The following GALNT16 variants were observed in gnomAD, a reference collection of about 807,000 sequenced individuals.
The protein encoded by GALNT16 is polypeptide N-acetylgalactosaminyltransferase 16.
In GALNT16, 40 loss-of-function variants were observed where a neutral mutation model predicts 76.1. The ratio of observed to expected loss-of-function variants is 0.53; its 90% CI spans 0.41 to 0.68. The LOEUF is 0.68. Among genes scored for constraint, GALNT16 ranks in the 30% least tolerant of loss-of-function variants. The pLI, the probability that GALNT16 is intolerant of heterozygous loss-of-function variation, is 0.00. For missense variants in GALNT16, 621 were observed against 731.9 expected, an observed-to-expected ratio of 0.85 and a Z score of 1.75; for synonymous variants, 276 against 285.2, an observed-to-expected ratio of 0.97 and a Z score of 0.32.
chr14:69,271,433 G>A (rs985710112), intron 1 of GALNT16, among the ~76,000 whole-genome samples: 1 of 152,216 alleles, frequency 6.6e-6, no homozygotes, highest in Non-Finnish European at 1.5e-5. Context: ...TGACAGGTCT[G>A]AGCGAGAGTG....
At chr14:69,299,384 C>G (rs1346682823) in intron 1 of GALNT16, among the ~76,000 whole-genome samples, 1 of 152,172 alleles carries the variant, frequency 6.6e-6, no homozygotes, top group African/African-American at 2.4e-5. Flanking sequence ...TTGCATGCAG[C>G]AAGTTTATCT....
chr14:69,369,096 A>G, the GALNT16 span, among the ~76,000 whole-genome samples: 1 of 152,200 alleles, frequency 6.6e-6, no homozygotes. Flanking sequence ...ATGACTGACT[A>G]ACTGATCGAG....
At chr14:69,316,494 A>G (rs556824327) in intron 1 of GALNT16, among the ~76,000 whole-genome samples, 2 of 152,334 alleles carry the variant, frequency 1.3e-5, no homozygotes, top group East Asian at 3.9e-4. Context: ...CCTTAGGAGA[A>G]GCAAAACACT....
At chr14:69,336,936 A>C (rs1280077962) in intron 9 of GALNT16, among the ~76,000 whole-genome samples, 2 of 152,180 alleles carry the variant, frequency 1.3e-5, no homozygotes, top group Non-Finnish European at 1.5e-5. Context: ...CATGTGGCCC[A>C]GGCTGGTCTC....
rs1179238199 is a variant in GALNT16, at chr14:69,269,140, A to AC, written c.177+8673_177+8674insC. 5.3e-5 allele frequency among the ~76,000 whole-genome samples: 8 copies of AC among 152,006 alleles called. No individual in the cohort carries two copies. In the East Asian group the frequency reaches 1.5e-3, roughly 29 times the overall value. On this transcript the variant is annotated intron_variant, in intron 1 of 14. Coordinates refer to ENST00000448469, the MANE Select transcript of GALNT16 (RefSeq NM_001168368.2). ...GTTGGTTCTTTTTTCTTTTTTTAAG[A>AC]TTTTTTTCCCTCTCAGGATAATGTG...
chr14:69,279,679 C>T (rs2044515162), intron 1 of GALNT16, among the ~76,000 whole-genome samples: 1 of 152,240 alleles, frequency 6.6e-6, no homozygotes, highest in Non-Finnish European at 1.5e-5. Context: ...CAGTCTTGGA[C>T]AGCTTCACTG....
the GALNT16 span, among the ~76,000 whole-genome samples, chr14:69,366,353 G>A: frequency 6.6e-6 from 1 of 151,902 alleles, no homozygotes; most frequent in Non-Finnish European, 1.5e-5. Flanking sequence ...TCCTTCGAAG[G>A]CACCAAGTTA....
chr14:69,326,345 T>C (rs571557628), intron 5 of GALNT16, among the ~76,000 whole-genome samples: 2 of 152,260 alleles, frequency 1.3e-5, no homozygotes, highest in African/African-American at 4.8e-5. Flanking sequence ...TTGAGAAAAA[T>C]CCAGAAGCAT....
At chr14:69,384,066 G>A in the GALNT16 span, among the ~76,000 whole-genome samples, 1 of 152,026 alleles carries the variant, frequency 6.6e-6, no homozygotes, top group Admixed American at 6.6e-5. Context: ...TCATTAACAT[G>A]TCACTTGTAA....
chr14:69,325,816 G>T, intron 4 of GALNT16, 146 bp from the exon 5 acceptor site: 1 of 677,672 alleles, frequency 1.5e-6, no homozygotes, highest in Non-Finnish European at 2.7e-6. Flanking sequence ...GCAACCCTTC[G>T]GCCAGTAGTG....
intron 1 of GALNT16, among the ~76,000 whole-genome samples, chr14:69,305,510 G>C (rs1024208711): frequency 6.6e-6 from 1 of 152,106 alleles, no homozygotes; most frequent in Non-Finnish European, 1.5e-5. Context: ...CTGATGATTA[G>C]TGATATTGAG....
downstream of GALNT16, among the ~76,000 whole-genome samples, chr14:69,361,062 T>C (rs1002225683): frequency 6.6e-6 from 1 of 152,200 alleles, no homozygotes; most frequent in Non-Finnish European, 1.5e-5. Flanking sequence ...TTGCATGATT[T>C]ATGAGTTTCT....
chr14:69,375,354 G>T, the GALNT16 span, among the ~76,000 whole-genome samples: 478 of 152,298 alleles, frequency 3.1e-3, 4 homozygotes, highest in African/African-American at 0.011. Context: ...CTGACAATCC[G>T]AGTCTTTTCA....
the GALNT16 span, among the ~76,000 whole-genome samples, chr14:69,385,642 A>T: frequency 3.0e-5 from 4 of 133,994 alleles, no homozygotes; most frequent in East Asian, 6.2e-4. Context: ...TTCTTTAAAT[A>T]AAAAAAAGGA....
chr14:69,333,222 C>T lies in GALNT16; in HGVS notation c.863+53C>T. The T allele has an allele frequency of 7.9e-7, 1 of 1,258,950 alleles. No homozygotes were observed. Among genetic ancestry groups the T allele is most frequent in the East Asian group, 2.3e-5 (1 of 43,026 alleles). 78.0% of individuals were successfully genotyped at this position (1,258,950 alleles called of 1,614,324 possible). On this transcript the variant is annotated intron_variant, in intron 8 of 14. Transcript: ENST00000448469. The surrounding 1 kb of genome is among the most constrained non-coding windows in gnomAD (Gnocchi z 4.2). ...CCCCTTCCTTCCCTGGGTCAGGGGC[C>T]TGGGAGGCTCTTGGGAGGCTGTATC...
chr14:69,280,221 A>G (rs2044522136), intron 1 of GALNT16, among the ~76,000 whole-genome samples: 1 of 151,844 alleles, frequency 6.6e-6, no homozygotes, highest in Admixed American at 6.6e-5. Flanking sequence ...TAGCCCTTGG[A>G]GGCTACTATC....
chr14:69,321,231 A>G (rs2045178291), intron 2 of GALNT16, among the ~76,000 whole-genome samples: 1 of 152,190 alleles, frequency 6.6e-6, no homozygotes. Context: ...TGCACATTGC[A>G]AACAGTGGGG....
the GALNT16 span, among the ~76,000 whole-genome samples, chr14:69,367,502 C>T: frequency 4.6e-5 from 7 of 152,020 alleles, no homozygotes; most frequent in Middle Eastern, 3.2e-3. Context: ...GGCACCTGAT[C>T]TTGGACTTAC....
At chr14:69,297,788 C>A (rs2044788986) in intron 1 of GALNT16, among the ~76,000 whole-genome samples, 1 of 152,178 alleles carries the variant, frequency 6.6e-6, no homozygotes, top group Non-Finnish European at 1.5e-5. Context: ...ATTATGTGTT[C>A]AGCCTCTAGG....
Sources: allele counts gnomAD v4.1 joint callset (sites outside exome capture counted in the v4.1 genomes callset), GRCh38; gene constraint gnomAD v4.1.1; non-coding constraint Gnocchi (gnomAD v3.1); transcripts MANE v1.5; gene names NCBI Gene and HGNC (gene_info 2026-07-23, HGNC 2026-07-21).